ADD1: variants seen among roughly 807,000 people sequenced by gnomAD.
ADD1 encodes the protein alpha-adducin.
A neutral mutation model predicts 80.5 loss-of-function variants in ADD1; 24 were observed. The observed-to-expected ratio is 0.30, with a 90% CI of 0.22 to 0.42. ADD1 has a LOEUF of 0.42. Among genes scored for constraint, ADD1 ranks in the 10% least tolerant of loss-of-function variants. The probability of loss-of-function intolerance (pLI) is 1.00; values close to 1 mark genes in which losing one functional copy is unlikely to be tolerated. For missense variants in ADD1, 948 were observed against 1,019.0 expected, an observed-to-expected ratio of 0.93 and a Z score of 0.95; for synonymous variants, 373 against 393.8, an observed-to-expected ratio of 0.95 and a Z score of 0.63.
At position 2,866,385 on chromosome 4, in the gene ADD1, A is replaced by G. The variant is rs544431360; in HGVS notation, c.-20-9511A>G. Reference sequence around the variant, plus strand: ...CAGACGGGGTTTCACCATGTTGGCCAGGCTGGTCTCAAAGTCCTGACCTCA... The same window carrying G: ...CAGACGGGGTTTCACCATGTTGGCCGGGCTGGTCTCAAAGTCCTGACCTCA... On this transcript the variant is annotated intron_variant, in intron 1 of 15. Transcript: ENST00000683351. 7.2e-5 allele frequency among the ~76,000 whole-genome samples: 11 copies of G among 152,328 alleles called. 1 individual carries two copies. The East Asian group carries it at 1.9e-3, about 27-fold the overall frequency.
rs1577761012 is a variant in ADD1 at position 2,926,521 on chromosome 4, C to T, written c.2047+409C>T. ...CGGGTGTCTGTCCCTCGGTCTCGTACATCCATGTCTCTCGTGAAGCCCGTG... is the reference window on the plus strand; with the variant it reads ...CGGGTGTCTGTCCCTCGGTCTCGTATATCCATGTCTCTCGTGAAGCCCGTG... On this transcript the variant is annotated intron_variant, in intron 15 of 15. Coordinates refer to ENST00000683351, the MANE Select transcript of ADD1 (RefSeq NM_001354761.2). This position sits in a 1 kb window ranked among gnomAD's most constrained non-coding sequence, Gnocchi z 5.0. 1.9e-6 allele frequency: 2 copies of T among 1,058,118 alleles called. No individual in the cohort carries two copies. The highest frequency in any genetic ancestry group is 2.6e-5 in the East Asian group (1 of 38,828). 65.5% of individuals were successfully genotyped at this position (1,058,118 alleles called of 1,614,324 possible).
At chr4:2,918,395 A>C (rs1739432274) in intron 14 of ADD1, among the ~76,000 whole-genome samples, 1 of 152,222 alleles carries the variant, frequency 6.6e-6, no homozygotes, top group African/African-American at 2.4e-5. Context: ...GTTGCTTATC[A>C]GCTTAAGGAG....
rs1041935572 is a variant in ADD1, at chr4:2,894,588, A to C, written c.598A>C (p.Ile200Leu). 6.3e-7 allele frequency: 1 copy of C among 1,599,576 alleles called. No individual in the cohort carries two copies. The highest frequency in any genetic ancestry group is 1.8e-5 in the Admixed American group (1 of 56,772). Residue 200 changes from isoleucine (I) to leucine (L), a missense_variant, in exon 6 of 16, where the codon ATC (isoleucine) becomes CTC (leucine). Coordinates refer to ENST00000683351, the MANE Select transcript of ADD1 (RefSeq NM_001354761.2). ...SEVTASSLVK[I>L]NLQGDIVDRG... ...TTTATTTTTTTATTTTCAGGTTAAG[A>C]TCAATCTACAAGGAGATATAGTAGA...
rs1560139449 is a variant in ADD1 at position 2,852,306 on chromosome 4, CTTTTTTTTCTTTTCTTTTCTTTCTT to C, written c.-21+8291_-21+8315del. On this transcript the variant is annotated intron_variant, in intron 1 of 15. Coordinates refer to ENST00000683351, the MANE Select transcript of ADD1 (RefSeq NM_001354761.2). ...CTTTTCTTTTCTTTTCTTTTCTTTT[CTTTTTTTTCTTTTCTTTTCTTTCTT>C]TTTTTTTTTTTTTGAAAGAGAGTCT... 8.5e-3 allele frequency among the ~76,000 whole-genome samples: 511 copies of C among 60,376 alleles called. 3 individuals are homozygous for C. Among genetic ancestry groups the C allele is most frequent in the Middle Eastern group, 0.02 (2 of 100 alleles). 39.6% of individuals were successfully genotyped at this position (60,376 alleles called of 152,430 possible).
chr4:2,915,078 G>A, intron 14 of ADD1, 38 bp downstream of exon 14: 1 of 1,573,302 alleles, frequency 6.4e-7, no homozygotes, highest in South Asian at 1.2e-5. Context: ...CACTCCAGAA[G>A]GTGAAAGTGC....
chr4:2,873,451 T>A (rs1301620441), intron 1 of ADD1, among the ~76,000 whole-genome samples: 14 of 152,238 alleles, frequency 9.2e-5, no homozygotes, highest in Non-Finnish European at 4.4e-5. Flanking sequence ...TTGATTTACA[T>A]TTATAGACTT....
At chr4:2,869,950 C>G (rs1385672379) in intron 1 of ADD1, among the ~76,000 whole-genome samples, 1 of 152,148 alleles carries the variant, frequency 6.6e-6, no homozygotes, top group East Asian at 1.9e-4. Flanking sequence ...AGCTGACAAT[C>G]AAAGAGCATT....
At chr4:2,846,746 C>T (rs976348983) in intron 1 of ADD1, among the ~76,000 whole-genome samples, 3 of 148,492 alleles carry the variant, frequency 2.0e-5, no homozygotes, top group Admixed American at 1.4e-4. Flanking sequence ...TAAGATGGTA[C>T]GAACCTGTGA....
chr4:2,869,048 GAT>G (rs1730010125), intron 1 of ADD1, among the ~76,000 whole-genome samples: 2 of 152,178 alleles, frequency 1.3e-5, no homozygotes, highest in African/African-American at 4.8e-5. Context: ...AAGCTCAGTA[GAT>G]GTTTATTCAC....
intron 13 of ADD1, among the ~76,000 whole-genome samples, chr4:2,914,274 T>C (rs1048379711): frequency 6.6e-6 from 1 of 152,214 alleles, no homozygotes; most frequent in East Asian, 1.9e-4. Flanking sequence ...GGTGCTTCGC[T>C]TTCTTCTTTT....
chr4:2,894,488 G>A, intron 5 of ADD1, 94 bp from the exon 6 acceptor site: 1 of 1,221,194 alleles, frequency 8.2e-7, no homozygotes, highest in Non-Finnish European at 1.1e-6. Flanking sequence ...TCCAGCCTGG[G>A]CGACAGAGCC....
chr4:2,903,329 C>T (rs1736507658), intron 9 of ADD1, among the ~76,000 whole-genome samples: 1 of 152,192 alleles, frequency 6.6e-6, no homozygotes, highest in Non-Finnish European at 1.5e-5. Context: ...CCCCGTATTA[C>T]CTCTCTGTGC....
At chr4:2,927,516 CG>C (rs749811851) in intron 15 of ADD1, among the ~76,000 whole-genome samples, 7 of 152,322 alleles carry the variant, frequency 4.6e-5, no homozygotes, top group East Asian at 1.9e-4. Flanking sequence ...AGCGGGTGCC[CG>C]GGTAAGTGCA....
chr4:2,888,888 A>G (rs1237443957), intron 4 of ADD1, among the ~76,000 whole-genome samples: 1 of 152,206 alleles, frequency 6.6e-6, no homozygotes, highest in African/African-American at 2.4e-5. Flanking sequence ...GAAAATATGA[A>G]ATATATACTG....
intron 4 of ADD1, among the ~76,000 whole-genome samples, chr4:2,885,906 G>C (rs777416893): frequency 6.6e-6 from 1 of 152,046 alleles, no homozygotes; most frequent in Non-Finnish European, 1.5e-5. Context: ...CACCCTGCCC[G>C]GCCCCTTCCT....
At chr4:2,898,610 A>T (rs1408402182) in intron 8 of ADD1, 79 bp downstream of exon 8, 2 of 1,231,784 alleles carry the variant, frequency 1.6e-6, no homozygotes, top group South Asian at 2.4e-5. Flanking sequence ...TTTGATACTT[A>T]TCGAGTAGGA....
At chr4:2,877,275 A>G (rs190486673) in intron 2 of ADD1, among the ~76,000 whole-genome samples, 92 of 151,956 alleles carry the variant, frequency 6.1e-4, no homozygotes, top group South Asian at 1.2e-3. Context: ...GGGGAGTGTC[A>G]TTTGGCAGAA....
At chr4:2,859,560 GAC>G (rs1217078772) in intron 1 of ADD1, among the ~76,000 whole-genome samples, 2 of 152,098 alleles carry the variant, frequency 1.3e-5, no homozygotes, top group Non-Finnish European at 2.9e-5. Flanking sequence ...AAATAAAGTA[GAC>G]ATTTCTACAC....
At chr4:2,869,597 C>T (rs1193035154) in intron 1 of ADD1, among the ~76,000 whole-genome samples, 1 of 152,194 alleles carries the variant, frequency 6.6e-6, no homozygotes, top group Non-Finnish European at 1.5e-5. Flanking sequence ...TATCCTCTCT[C>T]AGTTCTTTCT....
Sources: gnomAD v4.1 joint callset for allele counts (sites outside exome capture counted in the v4.1 genomes callset) on GRCh38, gnomAD v4.1.1 for gene constraint, Gnocchi (gnomAD v3.1) non-coding constraint, MANE v1.5 for transcripts, NCBI Gene and HGNC (gene_info 2026-07-23, HGNC 2026-07-21) for gene names.